Variants in SLC15A4 observed in about 807,000 individuals in gnomAD.
SLC15A4 encodes hPHT1.
Under a neutral mutation model 46.1 loss-of-function variants are expected in SLC15A4, and 26 were observed. That is an observed-to-expected ratio of 0.56 (90% confidence interval 0.41 to 0.78). The LOEUF is 0.78. Among genes scored for constraint, SLC15A4 ranks in the 30% least tolerant of loss-of-function variants. SLC15A4 has a pLI of 0.00. For synonymous variants in SLC15A4, 370 were observed against 333.4 expected, an observed-to-expected ratio of 1.11 and a Z score of -1.20; for missense variants, 751 against 755.7, an observed-to-expected ratio of 0.99 and a Z score of 0.07.
chr12:128,808,645 C>T, intron 5 of SLC15A4, 143 bp downstream of exon 5: 1 of 731,570 alleles, frequency 1.4e-6, no homozygotes, highest in East Asian at 2.8e-5. Context: ...AGGATTAGTG[C>T]TGTAAAATAA....
At chr12:128,807,719 C>T (rs1042026917) in intron 5 of SLC15A4, among the ~76,000 whole-genome samples, 1 of 152,226 alleles carries the variant, frequency 6.6e-6, no homozygotes, top group Non-Finnish European at 1.5e-5. Flanking sequence ...CCATGTGCCA[C>T]AGCTCTGGAA....
At chr12:128,817,862 G>A (rs1411434090) in intron 1 of SLC15A4, among the ~76,000 whole-genome samples, 1 of 152,190 alleles carries the variant, frequency 6.6e-6, no homozygotes, top group African/African-American at 2.4e-5. Context: ...CTGGCGAGCA[G>A]GCCACAACCT....
intron 1 of SLC15A4, among the ~76,000 whole-genome samples, chr12:128,819,317 T>C (rs968050555): frequency 6.6e-6 from 1 of 151,924 alleles, no homozygotes; most frequent in Admixed American, 6.6e-5. Flanking sequence ...GGCAGGAAAA[T>C]AGCTTGAACC....
intron 5 of SLC15A4, among the ~76,000 whole-genome samples, chr12:128,806,575 T>A (rs1217456023): frequency 1.3e-5 from 2 of 152,208 alleles, no homozygotes; most frequent in South Asian, 2.1e-4. Context: ...TCATCAAACA[T>A]GGGCAGGTGT....
At position 128,793,926 on chromosome 12, in the gene SLC15A4, T is replaced by C. The variant is rs183069401; in HGVS notation, c.*270A>G. On this transcript the variant is annotated 3_prime_UTR_variant, in exon 8 of 8. Transcript: ENST00000266771. ...GTTTCTGTAAAAAAGGGAACCCAGC[T>C]AGAGGATTCACAGAGACCTTGAATG... The C allele has an allele frequency of 6.6e-4, 207 of 312,954 alleles. No homozygotes were observed. The highest frequency in any genetic ancestry group is 4.2e-3 in the African/African-American group (195 of 46,960). The allele number at this position is 312,954 out of a possible 1,614,324, so 19.4% of individuals were successfully genotyped here. A position where few individuals can be genotyped will look rare whatever the true frequency, so the allele number is the denominator to read the frequency against.
chr12:128,811,343 T>C (rs1955653704), intron 2 of SLC15A4, among the ~76,000 whole-genome samples: 1 of 152,250 alleles, frequency 6.6e-6, no homozygotes, highest in Non-Finnish European at 1.5e-5. Flanking sequence ...TTCTTTATCT[T>C]ATAAAGTCAA....
chr12:128,820,669 T>C (rs377662137), intron 1 of SLC15A4, among the ~76,000 whole-genome samples: 16 of 150,824 alleles, frequency 1.1e-4, no homozygotes, highest in African/African-American at 3.4e-4. Flanking sequence ...TAAGTAGTCG[T>C]GTAGACATGT....
At chr12:128,820,336 G>A (rs777580210) in intron 1 of SLC15A4, among the ~76,000 whole-genome samples, 2 of 152,214 alleles carry the variant, frequency 1.3e-5, no homozygotes, top group Non-Finnish European at 2.9e-5. Flanking sequence ...ATCTGTTTTT[G>A]TGCCTGTTTC....
At chr12:128,815,254 T>C (rs1955735270) in intron 1 of SLC15A4, 184 bp from the exon 2 acceptor site, 1 of 601,806 alleles carries the variant, frequency 1.7e-6, no homozygotes, top group African/African-American at 1.8e-5. Context: ...ACGCTTTTAA[T>C]TACTACAGTT....
intron 1 of SLC15A4, among the ~76,000 whole-genome samples, chr12:128,822,646 G>A (rs1370125993): frequency 1.3e-5 from 2 of 152,058 alleles, no homozygotes; most frequent in Non-Finnish European, 2.9e-5. Flanking sequence ...CTGCCTCCCG[G>A]GTGCAAGCGA....
intron 2 of SLC15A4, chr12:128,814,048 G>A (rs1194853435): frequency 1.3e-5 from 2 of 155,716 alleles, no homozygotes; most frequent in Non-Finnish European, 2.9e-5. Flanking sequence ...GGGTTCTGAG[G>A]ACACAGGCCT....
chr12:128,814,605 A>C, intron 2 of SLC15A4, 170 bp downstream of exon 2: 1 of 670,938 alleles, frequency 1.5e-6, no homozygotes, highest in Non-Finnish European at 2.5e-6. Context: ...TGGGATAATA[A>C]GACCGCACCC....
intron 5 of SLC15A4, 44 bp from the exon 6 acceptor site, chr12:128,801,053 T>C (rs755600020): frequency 3.3e-6 from 5 of 1,512,526 alleles, no homozygotes; most frequent in South Asian, 1.3e-5. Context: ...TTTATTAACA[T>C]TTACAGTTAA....
At chr12:128,823,317 C>CAGGGACTGGGGCAGGGGA (rs1955876569) in intron 1 of SLC15A4, 81 bp downstream of exon 1, 1 of 1,263,754 alleles carries the variant, frequency 7.9e-7, no homozygotes, top group African/African-American at 1.6e-5. Context: ...CGGTCAGAGG[C>CAGGGACTGGGGCAGGGGA]AGGGACTGGG....
intron 2 of SLC15A4, among the ~76,000 whole-genome samples, chr12:128,810,824 G>A (rs141494571): frequency 6.6e-6 from 1 of 152,146 alleles, no homozygotes; most frequent in African/African-American, 2.4e-5. Flanking sequence ...AAACTCTTCA[G>A]GGCCCTATTG....
At chr12:128,821,761 G>A (rs1171294729) in intron 1 of SLC15A4, among the ~76,000 whole-genome samples, 6 of 151,794 alleles carry the variant, frequency 4.0e-5, no homozygotes, top group East Asian at 1.9e-4. Context: ...TGGCGTGCAC[G>A]TGTAGTCTCA....
At chr12:128,794,591 C>A (rs1380973874) in intron 7 of SLC15A4, among the ~76,000 whole-genome samples, 6 of 152,226 alleles carry the variant, frequency 3.9e-5, no homozygotes, top group African/African-American at 1.4e-4. Flanking sequence ...GTCTGCAGCC[C>A]CCCACCTGCC....
chr12:128,811,501 C>T (rs1382071427), intron 2 of SLC15A4, among the ~76,000 whole-genome samples: 1 of 152,212 alleles, frequency 6.6e-6, no homozygotes, highest in African/African-American at 2.4e-5. Flanking sequence ...ATTGCTCTAC[C>T]TGGGGGCTAA....
intron 5 of SLC15A4, among the ~76,000 whole-genome samples, chr12:128,806,182 A>AAAAAAAAT (rs58961088): frequency 2.7e-5 from 4 of 150,922 alleles, no homozygotes; most frequent in Non-Finnish European, 1.5e-5. Context: ...AAAAAAAAAA[A>AAAAAAAAT]GAAAAACCTA....
Sources: gnomAD v4.1 joint callset for allele counts (sites outside exome capture counted in the v4.1 genomes callset) on GRCh38, gnomAD v4.1.1 for gene constraint, MANE v1.5 for transcripts, NCBI Gene and HGNC (gene_info 2026-07-23, HGNC 2026-07-21) for gene names.